KCNIP4: variants seen among roughly 807,000 people sequenced by gnomAD.
The protein encoded by KCNIP4 is potassium voltage-gated channel interacting protein 4, also known as Kv channel-interacting protein 4.
KCNIP4 carries 12 observed loss-of-function variants against 34.0 expected under a neutral mutation model. That is an observed-to-expected ratio of 0.35 (90% CI 0.23 to 0.57). The LOEUF (loss-of-function observed/expected upper bound fraction) is 0.57, where lower values mean the gene tolerates loss of function less well. Among genes scored for constraint, KCNIP4 ranks in the 20% least tolerant of loss-of-function variants. The pLI, the probability that KCNIP4 is intolerant of heterozygous loss-of-function variation, is 0.83. For synonymous variants in KCNIP4, 124 were observed against 102.2 expected, an observed-to-expected ratio of 1.21 and a Z score of -1.29; for missense variants, 238 against 311.7, an observed-to-expected ratio of 0.76 and a Z score of 1.78.
chr4:21,212,799 A>G (rs920126145), intron 1 of KCNIP4, among the ~76,000 whole-genome samples: 1 of 152,012 alleles, frequency 6.6e-6, no homozygotes, highest in Admixed American at 6.6e-5. Context: ...CAAAGTCTCG[A>G]CTCTTAATAC....
chr4:21,010,147 A>T (rs1006184520), intron 1 of KCNIP4, among the ~76,000 whole-genome samples: 1 of 152,152 alleles, frequency 6.6e-6, no homozygotes, highest in South Asian at 2.1e-4. Flanking sequence ...CTAATTAAGG[A>T]TGTCTCTGAA....
chr4:20,938,917 GCTTA>G (rs1254690545), intron 1 of KCNIP4, among the ~76,000 whole-genome samples: 5 of 152,046 alleles, frequency 3.3e-5, no homozygotes, highest in African/African-American at 1.2e-4. Flanking sequence ...ATTATTTTAT[GCTTA>G]CTTCTATTTC....
At chr4:21,093,943 G>A (rs560473150) in intron 1 of KCNIP4, among the ~76,000 whole-genome samples, 3 of 151,988 alleles carry the variant, frequency 2.0e-5, no homozygotes, top group East Asian at 1.9e-4. Context: ...TTAGCCAGGC[G>A]TGGTGGCGGG....
chr4:20,796,064 A>C (rs879531621), intron 3 of KCNIP4, among the ~76,000 whole-genome samples: 4 of 152,232 alleles, frequency 2.6e-5, no homozygotes, highest in Non-Finnish European at 4.4e-5. Flanking sequence ...AGTTCTGAAA[A>C]TTCAATGAGT....
chr4:20,933,343 A>C (rs910285044), intron 1 of KCNIP4, among the ~76,000 whole-genome samples: 55 of 152,330 alleles, frequency 3.6e-4, no homozygotes, highest in African/African-American at 1.2e-3. Context: ...TTGTTAAATA[A>C]AATTTCCTAT....
At chr4:20,793,288 A>G (rs1042879756) in intron 3 of KCNIP4, among the ~76,000 whole-genome samples, 1 of 152,180 alleles carries the variant, frequency 6.6e-6, no homozygotes, top group African/African-American at 2.4e-5. Flanking sequence ...ATGAATCTCA[A>G]AGGATTAAGA....
At chr4:21,087,731 A>G (rs545614155) in intron 1 of KCNIP4, among the ~76,000 whole-genome samples, 55 of 152,254 alleles carry the variant, frequency 3.6e-4, no homozygotes, top group African/African-American at 1.2e-3. Flanking sequence ...ACAAAATTCA[A>G]TGGACTTCTG....
At chr4:20,813,178 ATGGC>A (rs1178012725) in intron 3 of KCNIP4, among the ~76,000 whole-genome samples, 3 of 152,146 alleles carry the variant, frequency 2.0e-5, no homozygotes, top group Admixed American at 2.0e-4. Flanking sequence ...GATACTGAGA[ATGGC>A]AGGAAGCTAA....
chr4:21,039,182 A>G (rs1386973563), intron 1 of KCNIP4, among the ~76,000 whole-genome samples: 1 of 152,112 alleles, frequency 6.6e-6, no homozygotes, highest in African/African-American at 2.4e-5. Flanking sequence ...CAACATGGTG[A>G]AACCCTGTCT....
In KCNIP4 at chr4:21,013,328, C is replaced by T. The variant is rs114552406; in HGVS notation, c.62-130619G>A. 8.5e-3 allele frequency among the ~76,000 whole-genome samples: 1,289 copies of T among 152,140 alleles called. 14 individuals carry two copies. Among genetic ancestry groups the T allele is most frequent in the African/African-American group, 0.03 (1,233 of 41,494 alleles). On this transcript the variant is annotated intron_variant, in intron 1 of 8. Coordinates refer to ENST00000382152, the MANE Select transcript of KCNIP4 (RefSeq NM_025221.6). ...ACTTTCAGGGAGGTAGAGTGGGAAC[C>T]AGAGGCCAGGGAGAGTGTTGTCAAG...
intron 3 of KCNIP4, among the ~76,000 whole-genome samples, chr4:20,771,573 G>C (rs1236032825): frequency 6.6e-6 from 1 of 152,180 alleles, no homozygotes; most frequent in African/African-American, 2.4e-5. Context: ...GATTACGGTG[G>C]TGGGTGCGCA....
chr4:21,859,119 G>C, intron 1 of KCNIP4, among the ~76,000 whole-genome samples: 1 of 152,156 alleles, frequency 6.6e-6, no homozygotes, highest in East Asian at 1.9e-4. Flanking sequence ...GAGTAACTGT[G>C]AGTAACAAAC....
chr4:21,218,921 G>A (rs1757801096), intron 1 of KCNIP4, among the ~76,000 whole-genome samples: 1 of 152,170 alleles, frequency 6.6e-6, no homozygotes, highest in South Asian at 2.1e-4. Context: ...CCCAAATTGG[G>A]AGTTCAAATT....
At chr4:21,775,006 C>T (rs58359333) in intron 1 of KCNIP4, among the ~76,000 whole-genome samples, 22,566 of 152,086 alleles carry the variant, frequency 0.15, 5,631 homozygotes, top group African/African-American at 0.51. Context: ...ATGTTGTGAT[C>T]ATCTGGAGGA....
chr4:21,154,737 T>C (rs1370067318), intron 1 of KCNIP4, among the ~76,000 whole-genome samples: 1 of 152,216 alleles, frequency 6.6e-6, no homozygotes, highest in African/African-American at 2.4e-5. Flanking sequence ...AAGTGATGTG[T>C]GGGACTTTAC....
chr4:21,469,596 G>A (rs1253019680), intron 1 of KCNIP4, among the ~76,000 whole-genome samples: 1 of 152,032 alleles, frequency 6.6e-6, no homozygotes, highest in Non-Finnish European at 1.5e-5. Context: ...TGCTTTTCCT[G>A]GTCAAGTAGG....
chr4:20,760,348 G>A (rs1177612791), intron 3 of KCNIP4, among the ~76,000 whole-genome samples: 1 of 152,142 alleles, frequency 6.6e-6, no homozygotes, highest in Non-Finnish European at 1.5e-5. Context: ...CTCTAAATTT[G>A]ATACTGTTTC....
chr4:21,824,332 T>G (rs909433379), intron 1 of KCNIP4, among the ~76,000 whole-genome samples: 6 of 152,140 alleles, frequency 3.9e-5, no homozygotes, highest in African/African-American at 1.4e-4. Flanking sequence ...AGATTAGAAA[T>G]ACGGTTTAGG....
At chr4:21,588,990 A>G (rs1741890021) in intron 1 of KCNIP4, among the ~76,000 whole-genome samples, 1 of 151,064 alleles carries the variant, frequency 6.6e-6, no homozygotes, top group South Asian at 2.1e-4. Flanking sequence ...GCCTGGTGCC[A>G]TGGTGAGCAC....
Sources: gnomAD v4.1 joint callset for allele counts (sites outside exome capture counted in the v4.1 genomes callset) on GRCh38, gnomAD v4.1.1 for gene constraint, MANE v1.5 for transcripts, NCBI Gene and HGNC (gene_info 2026-07-23, HGNC 2026-07-21) for gene names.